Variants in COX10 observed in about 807,000 individuals in gnomAD.
COX10 encodes cytochrome c oxidase assembly factor heme A:farnesyltransferase COX10.
Under a neutral mutation model 37.3 loss-of-function variants are expected in COX10, and 27 were observed. The ratio of observed to expected loss-of-function variants is 0.72; its 90% confidence interval spans 0.53 to 1.00. The LOEUF (loss-of-function observed/expected upper bound fraction) is 1.00. Among genes scored for constraint, COX10 ranks in the 50% least tolerant of loss-of-function variants. The probability of loss-of-function intolerance (pLI) is 0.00; values close to 1 mark genes in which losing one functional copy is unlikely to be tolerated. For synonymous variants in COX10, 222 were observed against 229.1 expected (o/e 0.97, Z 0.28); for missense variants, 475 against 563.2 (o/e 0.84, Z 1.59).
intron 6 of COX10, among the ~76,000 whole-genome samples, chr17:14,195,216 G>A (rs1906333581): frequency 6.6e-6 from 1 of 152,174 alleles, no homozygotes; most frequent in South Asian, 2.1e-4. Flanking sequence ...ATACTTAATT[G>A]AATGAACAAA....
rs1245988006 is a variant in COX10 at position 14,180,870 on chromosome 17, A to G, written c.696-11119A>G. On this transcript the variant is annotated intron_variant, in intron 5 of 6. Coordinates refer to ENST00000261643, the MANE Select transcript of COX10 (RefSeq NM_001303.4). ...GTTAGATGAGTGGAAGTCATACCATAGCGTTCTCTCTTTTGCATGGTTTGT... is the reference window on the plus strand; with the variant it reads ...GTTAGATGAGTGGAAGTCATACCATGGCGTTCTCTCTTTTGCATGGTTTGT... Among the ~76,000 whole-genome samples, 9 of 152,174 alleles carry G rather than the reference A, an allele frequency of 5.9e-5. No individual in the cohort carries two copies. In the East Asian group the frequency reaches 1.7e-3, roughly 29 times the overall value.
intron 5 of COX10, among the ~76,000 whole-genome samples, chr17:14,167,625 G>T (rs182618345): frequency 1.3e-5 from 2 of 152,176 alleles, no homozygotes; most frequent in Non-Finnish European, 2.9e-5. Flanking sequence ...GGAGGCCTCA[G>T]GAAACTTACA....
chr17:14,097,969 GA>G (rs1003566294), intron 3 of COX10, among the ~76,000 whole-genome samples: 10 of 150,776 alleles, frequency 6.6e-5, no homozygotes, highest in South Asian at 4.2e-4. Flanking sequence ...ATAATGACAG[GA>G]AAAAAAAAGT....
rs1442136537 is a variant in COX10, at chr17:14,076,595, A to G, written c.178-140A>G. ...TTTCCATATAGCACTCTATAAATACATGCCGAATTAACAGATATTAAAGCT... is the reference window on the plus strand; with the variant it reads ...TTTCCATATAGCACTCTATAAATACGTGCCGAATTAACAGATATTAAAGCT... On this transcript the variant is annotated intron_variant, in intron 2 of 6. Coordinates refer to ENST00000261643, the MANE Select transcript of COX10 (RefSeq NM_001303.4). 6.3e-6 allele frequency: 5 copies of G among 793,322 alleles called. No individual in the cohort carries two copies. In the East Asian group the frequency reaches 1.1e-4, roughly 17 times the overall value. The allele number at this position is 793,322 out of a possible 1,614,324, so 49.1% of individuals were successfully genotyped here.
Position 14,186,354 on chromosome 17 carries a change from C to T in COX10, c.696-5635C>T, listed in dbSNP as rs367572346. Among the ~76,000 whole-genome samples, 3 of 152,106 alleles carry T rather than the reference C, an allele frequency of 2.0e-5. No individual in the cohort carries two copies. In the East Asian group the frequency reaches 5.8e-4, roughly 29 times the overall value. ...TCCAGATATGTGGAACATAAACTTGCCATTCTTCTCCTCTTTGGCCTTCTC... is the reference window on the plus strand; with the variant it reads ...TCCAGATATGTGGAACATAAACTTGTCATTCTTCTCCTCTTTGGCCTTCTC... On this transcript the variant is annotated intron_variant, in intron 5 of 6. Transcript: ENST00000261643.
chr17:14,156,373 G>C (rs1905039680), intron 4 of COX10, among the ~76,000 whole-genome samples: 1 of 152,076 alleles, frequency 6.6e-6, no homozygotes, highest in Non-Finnish European at 1.5e-5. Context: ...GGGACTACAG[G>C]CACCCGCCAC....
At chr17:14,162,015 T>G (rs1436960882) in intron 5 of COX10, among the ~76,000 whole-genome samples, 1 of 152,204 alleles carries the variant, frequency 6.6e-6, no homozygotes, top group Admixed American at 6.5e-5. Context: ...CTTACCGTAT[T>G]TCTTACAGCA....
At chr17:14,108,594 G>A (rs913555673) in intron 4 of COX10, among the ~76,000 whole-genome samples, 7 of 152,094 alleles carry the variant, frequency 4.6e-5, no homozygotes, top group Non-Finnish European at 1.0e-4. Flanking sequence ...ATCAAGAGGT[G>A]TGAATAAAAT....
chr17:14,206,247 C>T (rs1023522503), intron 6 of COX10, among the ~76,000 whole-genome samples: 2 of 152,142 alleles, frequency 1.3e-5, no homozygotes, highest in African/African-American at 2.4e-5. Flanking sequence ...GGAGCCAGGG[C>T]TCACAGAACA....
chr17:14,119,106 A>T (rs912611675), intron 4 of COX10, among the ~76,000 whole-genome samples: 1 of 152,124 alleles, frequency 6.6e-6, no homozygotes, highest in Non-Finnish European at 1.5e-5. Flanking sequence ...TCATTGAACT[A>T]AGTGAGGTAC....
intron 3 of COX10, among the ~76,000 whole-genome samples, chr17:14,088,151 A>G (rs982015195): frequency 2.6e-5 from 4 of 152,002 alleles, no homozygotes; most frequent in Non-Finnish European, 5.9e-5. Flanking sequence ...TTGATTTCCC[A>G]TATTTATTTC....
intron 4 of COX10, among the ~76,000 whole-genome samples, chr17:14,116,841 C>T (rs1916125077): frequency 6.6e-6 from 1 of 152,190 alleles, no homozygotes; most frequent in Non-Finnish European, 1.5e-5. Context: ...ATCCTCAACA[C>T]AACATCCAGA....
chr17:14,109,416 A>G (rs905858672), intron 4 of COX10, among the ~76,000 whole-genome samples: 11 of 152,286 alleles, frequency 7.2e-5, no homozygotes, highest in African/African-American at 2.6e-4. Context: ...AACCAAAATA[A>G]CTCCAGGTGA....
At chr17:14,184,638 G>A (rs1905971918) in intron 5 of COX10, among the ~76,000 whole-genome samples, 2 of 152,168 alleles carry the variant, frequency 1.3e-5, no homozygotes, top group Admixed American at 6.5e-5. Context: ...GAAGTCTAAG[G>A]ATATATCCAA....
chr17:14,105,726 G>A (rs1367244893), intron 4 of COX10, among the ~76,000 whole-genome samples: 1 of 151,864 alleles, frequency 6.6e-6, no homozygotes, highest in East Asian at 1.9e-4. Flanking sequence ...CCTTTATGCC[G>A]GACATTGTTC....
chr17:14,146,187 AGAG>A (rs1904710879), intron 4 of COX10, among the ~76,000 whole-genome samples: 1 of 152,166 alleles, frequency 6.6e-6, no homozygotes, highest in Non-Finnish European at 1.5e-5. Context: ...GAACAAAACT[AGAG>A]GAATCACATT....
chr17:14,128,818 G>A (rs886899592), intron 4 of COX10, among the ~76,000 whole-genome samples: 1 of 152,078 alleles, frequency 6.6e-6, no homozygotes, highest in Non-Finnish European at 1.5e-5. Context: ...CTCAAGGCAC[G>A]TTTCAAAAAT....
In COX10 at chr17:14,069,624, A is replaced by G. The variant is rs749006532; in HGVS notation, c.19A>G (p.Thr7Ala). 1.9e-6 allele frequency: 3 copies of G among 1,613,296 alleles called. No homozygotes were observed. Among genetic ancestry groups the G allele is most frequent in the South Asian group, 2.2e-5 (2 of 91,028 alleles). Residue 7 changes from threonine (T) to alanine (A), a missense_variant, in exon 1 of 7, where the codon ACT becomes GCT. By Grantham distance (58) the Thr-to-Ala change is moderately conservative. Around this residue, in one of 5 missense-constraint regions of COX10, gnomAD observed 242 missense variants for 242.5 expected, o/e 1.00. Coordinates refer to ENST00000261643, the MANE Select transcript of COX10 (RefSeq NM_001303.4). The part of the protein sequence containing the change: MAASPH[T>A]LSSRLLTGCV... Reference sequence around the variant, plus strand: ...GTAAATTATGGCCGCATCTCCGCACACTCTCTCCTCACGCCTCCTGACAGG... The same window carrying G: ...GTAAATTATGGCCGCATCTCCGCACGCTCTCTCCTCACGCCTCCTGACAGG...
intron 5 of COX10, chr17:14,179,322 T>C (rs1172018907): frequency 2.1e-6 from 1 of 466,416 alleles, no homozygotes; most frequent in African/African-American, 2.1e-5. Context: ...TTTTTGCTGG[T>C]CTATCCTAAT....
Sources: gnomAD v4.1 joint callset for allele counts (sites outside exome capture counted in the v4.1 genomes callset) on GRCh38, gnomAD v4.1.1 for gene constraint, gnomAD v4.1.1 regional missense constraint, MANE v1.5 for transcripts, NCBI Gene and HGNC (gene_info 2026-07-23, HGNC 2026-07-21) for gene names.